The following NPIPB2 variants were observed in gnomAD, a reference collection of about 807,000 sequenced individuals.
The protein encoded by NPIPB2 is nuclear pore complex-interacting protein family member B2.
A neutral mutation model predicts 30.8 loss-of-function variants in NPIPB2; 27 were observed. That is an observed-to-expected ratio of 0.88 (90% CI 0.65 to 1.21). The LOEUF is 1.21. Among genes scored for constraint, NPIPB2 ranks in the 50% most tolerant of loss-of-function variants. The pLI is 0.00. For synonymous variants in NPIPB2, 147 were observed against 162.0 expected (o/e 0.91, Z 0.70); for missense variants, 440 against 446.2 (o/e 0.99, Z 0.13).
chr16:11,974,536 T>C (rs539942188), intron 1 of NPIPB2, among the ~76,000 whole-genome samples: 1 of 151,244 alleles, frequency 6.6e-6, no homozygotes, highest in Non-Finnish European at 1.5e-5. Flanking sequence ...AAAACAAAAA[T>C]AACAAAGACG....
In NPIPB2 at chr16:11,948,563, G is replaced by C. The variant is rs572120284; in HGVS notation, c.-583-6449C>G. Among the ~76,000 whole-genome samples, 28 of 151,916 alleles carry C rather than the reference G, an allele frequency of 1.8e-4. No homozygotes were observed. The East Asian group carries it at 5.2e-3, about 28-fold the overall frequency. ...GGATGGATCACGAGGTCAGGAGATCGAGACCATCCCGGCTAAAACGGTGAA... is the reference window on the plus strand; with the variant it reads ...GGATGGATCACGAGGTCAGGAGATCCAGACCATCCCGGCTAAAACGGTGAA... On this transcript the variant is annotated intron_variant, in intron 1 of 5. Coordinates refer to the NPIPB2 transcript ENST00000538896.
At chr16:11,948,265 G>C (rs2055031029) in intron 1 of NPIPB2, among the ~76,000 whole-genome samples, 1 of 151,998 alleles carries the variant, frequency 6.6e-6, no homozygotes. Flanking sequence ...CAGAAATAAA[G>C]AAGCACTCCT....
At chr16:11,946,037 G>T (rs796466330), upstream of NPIPB2, among the ~76,000 whole-genome samples, 52 of 143,530 alleles carry the variant, frequency 3.6e-4, no homozygotes, top group African/African-American at 1.3e-3. Context: ...AAAAAAAAAA[G>T]AAAAGAAAAA....
intron 1 of NPIPB2, among the ~76,000 whole-genome samples, chr16:11,974,027 A>C (rs989610300): frequency 5.9e-5 from 9 of 152,144 alleles, no homozygotes; most frequent in Non-Finnish European, 1.2e-4. Context: ...TCTCAGTTTT[A>C]CAGGGAGGGG....
rs1477650084 is a variant in NPIPB2 at position 11,934,821 on chromosome 16, T to C, written c.193-897A>G. ...TTGCAGTGAGCCAAGATCCCACCAC[T>C]GCACTCCAGCCTGGTGACAGAGTGA... is the stretch of plus-strand genomic sequence containing the variant. On this transcript the variant is annotated intron_variant, in intron 2 of 7. Coordinates refer to ENST00000399147, the Ensembl canonical transcript of NPIPB2. Among the ~76,000 whole-genome samples the C allele has an allele frequency of 3.8e-5, 5 of 130,096 alleles. No homozygotes were observed. The Admixed American group carries it at 4.2e-4, about 11-fold the overall frequency. 85.3% of individuals were successfully genotyped at this position (130,096 alleles called of 152,430 possible).
chr16:11,941,073 A>C, intron 1 of NPIPB2: 1 of 1,289,716 alleles, frequency 7.8e-7, no homozygotes, highest in Non-Finnish European at 1.0e-6. Context: ...CGGCCCCCTA[A>C]AGTGCTGGGA....
At chr16:11,971,196 G>T (rs758023937) in intron 1 of NPIPB2, among the ~76,000 whole-genome samples, 2 of 151,994 alleles carry the variant, frequency 1.3e-5, no homozygotes, top group African/African-American at 4.8e-5. Context: ...TTGTGTGCTA[G>T]GTCAGTCATG....
intron 1 of NPIPB2, among the ~76,000 whole-genome samples, chr16:11,952,548 C>T (rs1032819038): frequency 5.6e-5 from 8 of 143,084 alleles, no homozygotes; most frequent in Middle Eastern, 3.5e-3. Flanking sequence ...TAGTGTACTA[C>T]GGCCATCTTT....
chr16:11,969,480 C>T (rs1344613564), intron 1 of NPIPB2, among the ~76,000 whole-genome samples: 2 of 152,166 alleles, frequency 1.3e-5, no homozygotes, highest in Non-Finnish European at 2.9e-5. Context: ...TGGTCTTGAA[C>T]TCCTGACCTC....
chr16:11,927,295 T>C, downstream of NPIPB2: 1 of 730,474 alleles, frequency 1.4e-6, no homozygotes. Flanking sequence ...TATTCTTTGT[T>C]AGTTTGTTTT....
intron 1 of NPIPB2, among the ~76,000 whole-genome samples, chr16:11,974,180 G>A (rs773723800): frequency 3.9e-5 from 6 of 152,084 alleles, no homozygotes; most frequent in South Asian, 2.1e-4. Flanking sequence ...CCATATTTTC[G>A]GGTACTGGTT....
chr16:11,957,188 G>A (rs1218983574), intron 1 of NPIPB2, among the ~76,000 whole-genome samples: 1 of 137,584 alleles, frequency 7.3e-6, no homozygotes, highest in East Asian at 2.1e-4. Flanking sequence ...TTTTTGAGAT[G>A]GAGTCTCACT....
At chr16:11,968,070 A>T in intron 1 of NPIPB2, 1 of 520,910 alleles carries the variant, frequency 1.9e-6, no homozygotes. Context: ...TTTTCCTGAC[A>T]TCTAAGTTTT....
chr16:11,969,717 A>T (rs1391171030), intron 1 of NPIPB2, among the ~76,000 whole-genome samples: 1 of 152,196 alleles, frequency 6.6e-6, no homozygotes, highest in Non-Finnish European at 1.5e-5. Context: ...TACACAAGTA[A>T]ATGTGTAATC....
chr16:11,967,639 C>T (rs561432842), intron 1 of NPIPB2: 60 of 1,614,096 alleles, frequency 3.7e-5, no homozygotes, highest in Admixed American at 1.5e-4. Context: ...ATTATTCTTC[C>T]GAGAGGCCTC....
chr16:11,975,884 G>T (rs2055286798), intron 1 of NPIPB2, among the ~76,000 whole-genome samples: 1 of 151,708 alleles, frequency 6.6e-6, no homozygotes. Context: ...ATGAGTCACC[G>T]CGTCCGGCCT....
At chr16:11,960,293 C>A (rs982983817) in intron 1 of NPIPB2, among the ~76,000 whole-genome samples, 1 of 151,334 alleles carries the variant, frequency 6.6e-6, no homozygotes, top group Non-Finnish European at 1.5e-5. Flanking sequence ...ATAGTGTTTT[C>A]TTTCCAAAGA....
rs563519641 is a variant in NPIPB2 at position 11,933,433 on chromosome 16, A to G, written c.488+84T>C. ...ACTGAATTTGCCACAAATATTGTAG[A>G]AAATATTCTCAAGGACTTTACAGTT... On this transcript the variant is annotated intron_variant, in intron 4 of 7. Transcript: ENST00000399147. 10 of 1,573,732 alleles carry G rather than the reference A, an allele frequency of 6.4e-6. No individual in the cohort carries two copies. In the African/African-American group the frequency reaches 1.3e-4, roughly 21 times the overall value.
At chr16:11,967,685 C>T (rs1025127019) in intron 1 of NPIPB2, 3 of 1,614,046 alleles carry the variant, frequency 1.9e-6, no homozygotes, top group Admixed American at 1.7e-5. Flanking sequence ...GTGAAGACTG[C>T]ATCAAGAGCA....
Sources: allele counts gnomAD v4.1 joint callset (sites outside exome capture counted in the v4.1 genomes callset), GRCh38; gene constraint gnomAD v4.1.1; transcripts MANE v1.5; gene names NCBI Gene and HGNC (gene_info 2026-07-23, HGNC 2026-07-21).